Variants in HOMER2 observed in about 807,000 individuals in gnomAD.
The protein encoded by HOMER2 is homer protein homolog 2.
HOMER2 carries 27 observed loss-of-function variants against 47.0 expected under a neutral mutation model. The ratio of observed to expected loss-of-function variants is 0.57; its 90% confidence interval spans 0.42 to 0.79. The LOEUF is 0.79. Ranked by LOEUF, HOMER2 falls within the 30% of genes least tolerant of loss-of-function variation. The pLI, the probability that HOMER2 is intolerant of heterozygous loss-of-function variation, is 0.00. For missense variants in HOMER2, 443 were observed against 435.0 expected (o/e 1.02, Z -0.16); for synonymous variants, 161 against 163.8 (o/e 0.98, Z 0.13).
chr15:82,946,848 C>G (rs905759019), intron 1 of HOMER2, among the ~76,000 whole-genome samples: 3 of 152,138 alleles, frequency 2.0e-5, no homozygotes, highest in Non-Finnish European at 4.4e-5. Flanking sequence ...GCTGTGTAAC[C>G]ATCAGTGTAC....
At chr15:82,945,087 C>T (rs1023100498) in intron 1 of HOMER2, among the ~76,000 whole-genome samples, 5 of 152,050 alleles carry the variant, frequency 3.3e-5, no homozygotes, top group Non-Finnish European at 7.4e-5. Flanking sequence ...ACTAAGGAGC[C>T]GTGACTCACC....
chr15:82,934,425 G>A (rs557343590), intron 1 of HOMER2, among the ~76,000 whole-genome samples: 2 of 152,048 alleles, frequency 1.3e-5, no homozygotes, highest in East Asian at 3.9e-4. Flanking sequence ...CTCACCCACA[G>A]CCATACCCTG....
chr15:82,907,630 G>C (rs1488108640), intron 1 of HOMER2, among the ~76,000 whole-genome samples: 1 of 152,010 alleles, frequency 6.6e-6, no homozygotes. Context: ...CAACCAATGG[G>C]GTATAATTGG....
At chr15:82,835,546 C>T (rs1596292516), downstream of HOMER2, 1 of 151,962 alleles carries the variant, frequency 6.6e-6, no homozygotes, top group Non-Finnish European at 1.5e-5. Context: ...TGGCCACTGC[C>T]AGGTTTCCCA....
chr15:82,951,076 A>C (rs897582715), intron 1 of HOMER2, among the ~76,000 whole-genome samples: 3 of 152,184 alleles, frequency 2.0e-5, no homozygotes, highest in African/African-American at 7.2e-5. Flanking sequence ...AAAGGCTCTC[A>C]CTGCTCAAAG....
At chr15:82,889,663 G>C (rs2052646821) in intron 2 of HOMER2, among the ~76,000 whole-genome samples, 1 of 152,150 alleles carries the variant, frequency 6.6e-6, no homozygotes, top group Admixed American at 6.5e-5. Flanking sequence ...GTGGGGAAGG[G>C]GCAAGCCGCG....
downstream of HOMER2, chr15:82,845,986 G>A (rs1370169265): frequency 6.6e-6 from 1 of 152,270 alleles, no homozygotes; most frequent in Non-Finnish European, 1.5e-5. Context: ...CCACCATCAA[G>A]GCTGTGCTCA....
chr15:82,940,710 G>A (rs936892435), intron 1 of HOMER2, among the ~76,000 whole-genome samples: 10 of 152,002 alleles, frequency 6.6e-5, no homozygotes, highest in Admixed American at 3.9e-4. Flanking sequence ...TCTAGCCTGG[G>A]TGACAGAAGG....
At chr15:82,883,108 T>C (rs1372078857) in intron 2 of HOMER2, among the ~76,000 whole-genome samples, 5 of 23,340 alleles carry the variant, frequency 2.1e-4, no homozygotes, top group Admixed American at 5.7e-4. Flanking sequence ...TGTGATCTCA[T>C]TGTTCAATTC....
intron 1 of HOMER2, among the ~76,000 whole-genome samples, chr15:82,897,939 T>C (rs1364166465): frequency 6.6e-6 from 1 of 152,196 alleles, no homozygotes; most frequent in Non-Finnish European, 1.5e-5. Context: ...CACACAGCAA[T>C]GTGGTTTAAG....
intron 1 of HOMER2, among the ~76,000 whole-genome samples, chr15:82,907,871 G>A (rs192663214): frequency 2.1e-3 from 322 of 152,276 alleles, no homozygotes; most frequent in Non-Finnish European, 3.6e-3. Context: ...CAGATGAATG[G>A]ATAACAAAAT....
chr15:82,888,787 C>A (rs2052620701), intron 2 of HOMER2, among the ~76,000 whole-genome samples: 1 of 82,470 alleles, frequency 1.2e-5, no homozygotes, highest in African/African-American at 5.8e-5. Flanking sequence ...GGCCTGCGCC[C>A]ACTGTCTGGC....
chr15:82,880,781 G>A lies in HOMER2; in HGVS notation c.163-5377C>T, dbSNP rs74030824. Among the ~76,000 whole-genome samples, 431 of 152,280 alleles carry A rather than the reference G, an allele frequency of 2.8e-3. 2 individuals carry two copies. The highest frequency in any genetic ancestry group is 0.01 in the African/African-American group (416 of 41,554). ...AAGTAAAGGGGTCACCGGGTGGAGA[G>A]TGTCATCTGGTGGAAGAAAAGAAGA... is the stretch of plus-strand genomic sequence containing the variant. On this transcript the variant is annotated intron_variant, in intron 2 of 8. Transcript: ENST00000450735.
At chr15:82,929,979 T>A (rs1335639106) in intron 1 of HOMER2, among the ~76,000 whole-genome samples, 2 of 152,172 alleles carry the variant, frequency 1.3e-5, no homozygotes, top group African/African-American at 4.8e-5. Flanking sequence ...TCCGTCCGCC[T>A]CGGCCTCCCA....
At chr15:82,899,245 G>A (rs1596334275) in intron 1 of HOMER2, among the ~76,000 whole-genome samples, 1 of 152,222 alleles carries the variant, frequency 6.6e-6, no homozygotes, top group Non-Finnish European at 1.5e-5. Flanking sequence ...GCCCATCACT[G>A]GACCCAATAC....
Position 82,976,864 on chromosome 15 carries a change from C to T in HOMER2, n.82+8923G>A, listed in dbSNP as rs558031619. 4.1e-4 allele frequency among the ~76,000 whole-genome samples: 61 copies of T among 149,358 alleles called. No individual in the cohort carries two copies. In the South Asian group the frequency reaches 0.012, roughly 29 times the overall value. ...GCTGATTTTGTACTTTTAGTAGAGA[C>T]GGGGTTTCACCATGTTGCCCAGGCT... On this transcript the variant is annotated intron_variant and non_coding_transcript_variant, in intron 1 of 1. Transcript: ENST00000500334.
At chr15:82,975,464 TC>T (rs1399358517) in intron 1 of HOMER2, among the ~76,000 whole-genome samples, 2 of 152,212 alleles carry the variant, frequency 1.3e-5, no homozygotes, top group African/African-American at 2.4e-5. Flanking sequence ...AATCTAAGTG[TC>T]TATCAACAGA....
chr15:82,882,737 T>A (rs1385076623), intron 2 of HOMER2, among the ~76,000 whole-genome samples: 1 of 152,140 alleles, frequency 6.6e-6, no homozygotes, highest in African/African-American at 2.4e-5. Context: ...GTGCCTGGCA[T>A]GGAATGACAG....
chr15:82,882,249 G>GCCC (rs74412959), intron 2 of HOMER2, among the ~76,000 whole-genome samples: 1 of 152,086 alleles, frequency 6.6e-6, no homozygotes, highest in African/African-American at 2.4e-5. Flanking sequence ...CAGTGACCCT[G>GCCC]CTGTCCTTCT....
Sources: allele counts gnomAD v4.1 joint callset (sites outside exome capture counted in the v4.1 genomes callset), GRCh38; gene constraint gnomAD v4.1.1; transcripts MANE v1.5; gene names NCBI Gene and HGNC (gene_info 2026-07-23, HGNC 2026-07-21).